COL12A1: variants seen among roughly 807,000 people sequenced by gnomAD.
COL12A1 encodes collagen alpha-1(XII) chain.
Under a neutral mutation model 349.7 loss-of-function variants are expected in COL12A1, and 114 were observed. The ratio of observed to expected loss-of-function variants is 0.33; its 90% CI spans 0.28 to 0.38. The LOEUF is 0.38. COL12A1 is among the 10% of genes least tolerant of loss of function. COL12A1 has a pLI of 1.00. For synonymous variants in COL12A1, 1,369 were observed against 1,329.0 expected (o/e 1.03, Z -0.66); for missense variants, 3,284 against 3,756.9 (o/e 0.87, Z 3.29).
At chr6:75,164,398 A>G (rs184652685) in intron 14 of COL12A1, among the ~76,000 whole-genome samples, 13 of 152,230 alleles carry the variant, frequency 8.5e-5, no homozygotes, top group Admixed American at 6.5e-4. Flanking sequence ...AAAATCACCA[A>G]ATTCCTCTAT....
chr6:75,154,389 C>T, intron 17 of COL12A1, 27 bp downstream of exon 17: 1 of 1,602,906 alleles, frequency 6.2e-7, no homozygotes, highest in Non-Finnish European at 8.5e-7. Context: ...AGTTGTTTTC[C>T]TCAAGGAATG....
intron 10 of COL12A1, 80 bp from the exon 11 acceptor site, chr6:75,181,291 A>C: frequency 7.3e-7 from 1 of 1,361,172 alleles, no homozygotes; most frequent in Non-Finnish European, 1.0e-6. Context: ...AATGTTTATA[A>C]AATGGCTTAC....
At position 75,133,907 on chromosome 6, in the gene COL12A1, C is replaced by T. The variant is rs770194625; in HGVS notation, c.5615G>A (p.Arg1872His). 183 of 1,613,902 alleles carry T rather than the reference C, an allele frequency of 1.1e-4. No individual in the cohort carries two copies. The highest frequency in any genetic ancestry group is 3.3e-4 in the Middle Eastern group (2 of 6,084). Residue 1872 changes from arginine to histidine, a missense_variant, in exon 33 of 66, where the codon CGT becomes CAT. Arg to His is a conservative substitution (Grantham distance 29). Coordinates refer to ENST00000322507, the MANE Select transcript of COL12A1 (RefSeq NM_004370.6). ...VRWDHAEGNPRQYKLFYAPAA... is the reference protein window; with the variant it reads ...VRWDHAEGNPHQYKLFYAPAA... ...TGGTGCATAGAAGAGCTTGTACTGA[C>T]GAGGATTTCCCTCTGCATGGTCCCA...
intron 27 of COL12A1, among the ~76,000 whole-genome samples, chr6:75,141,211 C>T (rs940492542): frequency 1.3e-5 from 2 of 152,012 alleles, no homozygotes; most frequent in Non-Finnish European, 1.5e-5. Context: ...GTTTTTTTTA[C>T]TACTATTTGC....
chr6:75,177,328 T>G (rs961420784), intron 12 of COL12A1, among the ~76,000 whole-genome samples: 1 of 151,954 alleles, frequency 6.6e-6, no homozygotes, highest in Non-Finnish European at 1.5e-5. Flanking sequence ...TCCCAGCTAT[T>G]TGGGAGGCTG....
intron 12 of COL12A1, among the ~76,000 whole-genome samples, chr6:75,176,550 G>C (rs1768969730): frequency 6.6e-6 from 1 of 152,068 alleles, no homozygotes; most frequent in Non-Finnish European, 1.5e-5. Context: ...ACAGAGAAGG[G>C]TGATGCAGAC....
chr6:75,168,337 T>TA (rs1768418206), intron 13 of COL12A1, among the ~76,000 whole-genome samples: 1 of 152,210 alleles, frequency 6.6e-6, no homozygotes, highest in South Asian at 2.1e-4. Flanking sequence ...CTTGAATTTT[T>TA]AAAAAATGAG....
At chr6:75,094,596 C>A (rs368732926) in intron 60 of COL12A1, among the ~76,000 whole-genome samples, 21 of 152,020 alleles carry the variant, frequency 1.4e-4, no homozygotes, top group East Asian at 1.2e-3. Flanking sequence ...TGGGGCAGGA[C>A]AGTATTAAAA....
At chr6:75,113,872 T>A in intron 49 of COL12A1, 128 bp from the exon 50 acceptor site, 1 of 690,336 alleles carries the variant, frequency 1.4e-6, no homozygotes, top group Non-Finnish European at 2.2e-6. Context: ...CTCATATGGG[T>A]AGTATTAGAG....
intron 52 of COL12A1, 82 bp from the exon 53 acceptor site, chr6:75,106,578 A>G (rs1204589379): frequency 3.5e-6 from 4 of 1,151,198 alleles, no homozygotes; most frequent in Middle Eastern, 1.9e-4. Flanking sequence ...AACATTGCCA[A>G]CTTCTCACAC....
intron 13 of COL12A1, 37 bp from the exon 14 acceptor site, chr6:75,165,816 T>C: frequency 6.3e-7 from 1 of 1,586,266 alleles, no homozygotes; most frequent in South Asian, 1.1e-5. Flanking sequence ...TTTTTAAAAA[T>C]GTCTAGTAGG....
rs1006706957 is a variant in COL12A1 at position 75,202,769 on chromosome 6, C to G, written c.24G>C (p.Ala8=). Residue 8 remains alanine, a synonymous_variant, in exon 2 of 66, where the codon GCG becomes GCC. Transcript: ENST00000322507. MRSRLPP[A]LAALGAALLL... is the part of the protein sequence containing the mutation. ...GCAGGGCCGCGCCCAGGGCGGCAAG[C>G]GCTGGGGGAAGCCTACTCCGCATCC... 1.0e-5 allele frequency: 16 copies of G among 1,551,742 alleles called. No homozygotes were observed. The East Asian group carries it at 2.9e-4, about 28-fold the overall frequency.
At position 75,192,219 on chromosome 6, in the gene COL12A1, T is replaced by C. The variant is rs1769967625; in HGVS notation, c.327A>G (p.Gln109=). ...EVEESVPVIG[Q]LTIQTGSSTK... ...TTTTATATGTGTGCTTACTTGTTAG[T>C]TGTCCTATAACTGGTACACTTTCTT... Residue 109 remains glutamine (Q), a synonymous_variant, in exon 4 of 66, where the codon CAA becomes CAG. Coordinates refer to ENST00000322507, the MANE Select transcript of COL12A1 (RefSeq NM_004370.6). The C allele has an allele frequency of 6.3e-7, 1 of 1,580,958 alleles. No homozygotes were observed. The highest frequency in any genetic ancestry group is 1.2e-5 in the South Asian group (1 of 84,958).
intron 49 of COL12A1, among the ~76,000 whole-genome samples, chr6:75,115,405 G>A (rs1769027309): frequency 6.6e-6 from 1 of 151,988 alleles, no homozygotes; most frequent in Admixed American, 6.6e-5. Flanking sequence ...CTAGAGGTCG[G>A]AAACACTAAA....
chr6:75,102,450 AAC>A (rs1768348726), intron 56 of COL12A1, 145 bp downstream of exon 56: 1 of 519,930 alleles, frequency 1.9e-6, no homozygotes, highest in African/African-American at 2.0e-5. Flanking sequence ...TATCTAAAAT[AAC>A]AGTCATCATA....
Position 75,126,422 on chromosome 6 carries a change from G to C in COL12A1, c.6389C>G (p.Thr2130Arg). Reference sequence around the variant, plus strand: ...AGGATCCCAGGACACCCTGAATCTTGTATACCATTCGTCAGAGATGTGTAT... The same window carrying C: ...AGGATCCCAGGACACCCTGAATCTTCTATACCATTCGTCAGAGATGTGTAT... ...QNIHISDEWYTRFRVSWDPSP... is the reference protein window; with the variant it reads ...QNIHISDEWYRRFRVSWDPSP... Residue 2130 changes from threonine (T) to arginine (R), a missense_variant, in exon 39 of 66, where the codon ACA becomes AGA. Thr to Arg is a moderately conservative substitution (Grantham distance 71). Around this residue, in one of 2 missense-constraint regions of COL12A1, gnomAD observed 2,601 missense variants for 2,824.8 expected, o/e 0.92. Coordinates refer to ENST00000322507, the MANE Select transcript of COL12A1 (RefSeq NM_004370.6). 1 of 1,611,628 alleles carries C rather than the reference G, an allele frequency of 6.2e-7. No homozygotes were observed. Among genetic ancestry groups the C allele is most frequent in the Non-Finnish European group, 8.5e-7 (1 of 1,178,122 alleles).
At chr6:75,108,610 G>A (rs1184286522) in intron 52 of COL12A1, among the ~76,000 whole-genome samples, 1 of 152,162 alleles carries the variant, frequency 6.6e-6, no homozygotes, top group African/African-American at 2.4e-5. Context: ...GGGCTCTGGT[G>A]AAAGTTGCAA....
intron 60 of COL12A1, among the ~76,000 whole-genome samples, chr6:75,092,370 A>G (rs1363312292): frequency 6.6e-6 from 1 of 152,208 alleles, no homozygotes; most frequent in African/African-American, 2.4e-5. Context: ...CAATTAAAAA[A>G]AAGAAACTGG....
At chr6:75,194,723 T>C in intron 3 of COL12A1, 108 bp downstream of exon 3, 1 of 651,974 alleles carries the variant, frequency 1.5e-6, no homozygotes, top group Non-Finnish European at 2.5e-6. Context: ...ATCAAATCCC[T>C]CAGGCTTCCT....
Sources: allele counts gnomAD v4.1 joint callset (sites outside exome capture counted in the v4.1 genomes callset), GRCh38; gene constraint gnomAD v4.1.1; regional missense constraint gnomAD v4.1.1; transcripts MANE v1.5; gene names NCBI Gene and HGNC (gene_info 2026-07-23, HGNC 2026-07-21).